The following RNF128 variants were observed in gnomAD, a reference collection of about 807,000 sequenced individuals.
The protein encoded by RNF128 is E3 ubiquitin-protein ligase RNF128.
Under a neutral mutation model 26.2 loss-of-function variants are expected in RNF128, and 13 were observed. That is an observed-to-expected ratio of 0.50 (90% CI 0.32 to 0.79). The LOEUF (loss-of-function observed/expected upper bound fraction) is 0.79. Ranked by LOEUF, RNF128 falls within the 30% of genes least tolerant of loss-of-function variation. The probability of loss-of-function intolerance (pLI) is 0.03; values close to 1 mark genes in which losing one functional copy is unlikely to be tolerated. For missense variants in RNF128, 315 were observed against 349.7 expected, an observed-to-expected ratio of 0.90 and a Z score of 0.79; for synonymous variants, 149 against 142.5, an observed-to-expected ratio of 1.05 and a Z score of -0.32.
chrX:106,711,557 T>G (rs1929126764), intron 1 of RNF128, among the ~76,000 whole-genome samples: 1 of 112,210 alleles, frequency 8.9e-6, no homozygotes, highest in Non-Finnish European at 1.9e-5. Flanking sequence ...CAACCCACTA[T>G]ACAACAGATG....
intron 1 of RNF128, among the ~76,000 whole-genome samples, chrX:106,756,200 T>A (rs1391115276): frequency 1.8e-5 from 2 of 111,531 alleles, no homozygotes; most frequent in Non-Finnish European, 3.8e-5. Flanking sequence ...CCCATCAAGC[T>A]ACCAATGCCT....
chrX:106,694,651 T>G (rs1928846758), intron 1 of RNF128, among the ~76,000 whole-genome samples: 1 of 111,745 alleles, frequency 8.9e-6, no homozygotes, highest in South Asian at 3.7e-4. Context: ...GCAATATAAG[T>G]TTCCTCAGTG....
chrX:106,773,658 G>C (rs1228471743), intron 2 of RNF128, among the ~76,000 whole-genome samples: 1 of 111,185 alleles, frequency 9.0e-6, no homozygotes, highest in Non-Finnish European at 1.9e-5. Flanking sequence ...CAGGGTAGAA[G>C]ATCTGATTGT....
chrX:106,748,247 GCT>G lies in RNF128; in HGVS notation c.484+20854_484+20855del, dbSNP rs902164792. Among the ~76,000 whole-genome samples the G allele has an allele frequency of 1.6e-4, 18 of 112,043 alleles. 1 individual carries two copies. The highest frequency in any genetic ancestry group is 1.5e-3 in the Admixed American group (16 of 10,581). Reference sequence around the variant, plus strand: ...ATATCAACATTGGTTTTAAAGATCAGCTCTCAACATTTTGAGAAAAAAACATA... The same window carrying G: ...ATATCAACATTGGTTTTAAAGATCAGCTCAACATTTTGAGAAAAAAACATA... On this transcript the variant is annotated intron_variant, in intron 1 of 6. Transcript: ENST00000255499.
At chrX:106,752,139 C>T (rs1054973531) in intron 1 of RNF128, among the ~76,000 whole-genome samples, 1 of 111,474 alleles carries the variant, frequency 9.0e-6, no homozygotes, top group African/African-American at 3.3e-5. Flanking sequence ...CACCACCACC[C>T]TGAAGGGAAA....
chrX:106,765,192 A>T (rs1180473876), intron 1 of RNF128, among the ~76,000 whole-genome samples: 1 of 112,196 alleles, frequency 8.9e-6, no homozygotes, highest in Non-Finnish European at 1.9e-5. Context: ...AATGGCTATC[A>T]TGTAAAAATA....
In RNF128 at chrX:106,795,640, A is replaced by C; in HGVS notation, c.1214A>C (p.His405Pro). Residue 405 changes from histidine (H) to proline (P), a missense_variant, in exon 7 of 7, where the codon CAT (histidine) becomes CCT (proline). Coordinates refer to ENST00000255499, the MANE Select transcript of RNF128 (RefSeq NM_194463.2). ...ANSVAVDVIP[H>P]VDNPTFEEDE... is the part of the protein sequence containing the mutation. ...TCTGTGGCAGTGGATGTTATTCCTC[A>C]TGTTGACAACCCAACCTTTGAAGAA... 8.3e-7 allele frequency: 1 copy of C among 1,202,084 alleles called. No individual in the cohort carries two copies. The highest frequency in any genetic ancestry group is 1.1e-6 in the Non-Finnish European group (1 of 889,479).
chrX:106,792,873 A>G (rs1187541138), intron 6 of RNF128, among the ~76,000 whole-genome samples: 1 of 111,937 alleles, frequency 8.9e-6, no homozygotes, highest in Non-Finnish European at 1.9e-5. Flanking sequence ...AGATACTCAA[A>G]TTTATGTTGA....
chrX:106,755,373 A>G (rs1292536528), intron 1 of RNF128, among the ~76,000 whole-genome samples: 2 of 111,510 alleles, frequency 1.8e-5, no homozygotes, highest in Non-Finnish European at 3.8e-5. Flanking sequence ...ATTCTGAAAA[A>G]ACGGAGCAGG....
chrX:106,704,285 A>ATT (rs1929007533), intron 1 of RNF128, among the ~76,000 whole-genome samples: 2 of 109,412 alleles, frequency 1.8e-5, no homozygotes, highest in Admixed American at 1.9e-4. Context: ...AAATACAAAA[A>ATT]AGCCAGGCGT....
At chrX:106,755,924 ATTC>A (rs927061927) in intron 1 of RNF128, among the ~76,000 whole-genome samples, 4 of 111,186 alleles carry the variant, frequency 3.6e-5, no homozygotes, top group African/African-American at 1.3e-4. Context: ...AATCACAAGC[ATTC>A]TTAATACACC....
chrX:106,794,971 A>G (rs1259164248), intron 6 of RNF128, among the ~76,000 whole-genome samples: 1 of 112,054 alleles, frequency 8.9e-6, no homozygotes, highest in East Asian at 2.8e-4. Context: ...GTGTAAAACA[A>G]TGTCAGTAAC....
At position 106,696,263 on chromosome X, in the gene RNF128, A is replaced by G. The variant is rs759877180; in HGVS notation, c.406+1855A>G. On this transcript the variant is annotated intron_variant, in intron 1 of 6. Transcript: ENST00000324342. The stretch of plus-strand genomic sequence containing the variant: ...TATTTAATGAACATTGTTTTTTAAC[A>G]TATGATGATATCAACCCCAAAGAAT... Among the ~76,000 whole-genome samples, 190 of 111,712 alleles carry G rather than the reference A, an allele frequency of 1.7e-3. 1 individual carries two copies. The highest frequency in any genetic ancestry group is 4.0e-4 in the Non-Finnish European group (21 of 53,110).
chrX:106,786,289 T>C (rs1930656911), intron 3 of RNF128, among the ~76,000 whole-genome samples: 2 of 111,723 alleles, frequency 1.8e-5, no homozygotes, highest in Admixed American at 1.9e-4. Context: ...TCAGTTGATT[T>C]TCCATAAAAG....
intron 1 of RNF128, among the ~76,000 whole-genome samples, chrX:106,741,955 T>C: frequency 8.9e-6 from 1 of 111,819 alleles, no homozygotes; most frequent in East Asian, 2.8e-4. Context: ...GGAGGTTCAA[T>C]TTTATTCCGT....
chrX:106,703,450 C>T (rs1012001022), intron 1 of RNF128, among the ~76,000 whole-genome samples: 7 of 111,154 alleles, frequency 6.3e-5, no homozygotes, highest in Non-Finnish European at 1.3e-4. Context: ...TGGTTAAATT[C>T]GCCATGGTCA....
At chrX:106,696,223 C>T (rs1928871185) in intron 1 of RNF128, among the ~76,000 whole-genome samples, 1 of 111,594 alleles carries the variant, frequency 9.0e-6, no homozygotes, top group Non-Finnish European at 1.9e-5. Context: ...ATTTCAGGCA[C>T]TGTTATAGTG....
At chrX:106,698,648 A>G (rs1307969831) in intron 1 of RNF128, among the ~76,000 whole-genome samples, 3 of 111,317 alleles carry the variant, frequency 2.7e-5, no homozygotes, top group Admixed American at 1.9e-4. Context: ...CACTCACTCT[A>G]TCTTAGACCT....
chrX:106,787,178 A>T (rs939850392), intron 3 of RNF128, among the ~76,000 whole-genome samples: 4 of 111,787 alleles, frequency 3.6e-5, no homozygotes, highest in Admixed American at 1.9e-4. Context: ...TAATTGTCAA[A>T]TACTGGAAAA....
Sources: allele counts gnomAD v4.1 joint callset (sites outside exome capture counted in the v4.1 genomes callset), GRCh38; gene constraint gnomAD v4.1.1; transcripts MANE v1.5; gene names NCBI Gene and HGNC (gene_info 2026-07-23, HGNC 2026-07-21).